Variants in AKAP6 observed in about 807,000 individuals in gnomAD.
AKAP6 encodes the protein A-kinase anchor protein 6.
AKAP6 carries 58 observed loss-of-function variants against 188.5 expected under a neutral mutation model. That is an observed-to-expected ratio of 0.31 (90% CI 0.25 to 0.38). The LOEUF (loss-of-function observed/expected upper bound fraction) is 0.38, where lower values mean the gene tolerates loss of function less well. Among genes scored for constraint, AKAP6 ranks in the 10% least tolerant of loss-of-function variants. The pLI is 1.00. For missense variants in AKAP6, 2,710 were observed against 2,740.0 expected (o/e 0.99, Z 0.24); for synonymous variants, 989 against 998.6 (o/e 0.99, Z 0.18).
intron 4 of AKAP6, among the ~76,000 whole-genome samples, chr14:32,548,093 C>CTTTTTT (rs71115082): frequency 1.9e-5 from 2 of 104,236 alleles, no homozygotes; most frequent in Non-Finnish European, 1.9e-5. Flanking sequence ...CTCCCACATG[C>CTTTTTT]TTTTTTTTTT....
intron 12 of AKAP6, among the ~76,000 whole-genome samples, chr14:32,792,261 T>C (rs2140058516): frequency 6.6e-6 from 1 of 152,342 alleles, no homozygotes; most frequent in East Asian, 1.9e-4. Context: ...GAGCATGGAA[T>C]GTTTTTCCAT....
intron 2 of AKAP6, among the ~76,000 whole-genome samples, chr14:32,492,054 T>A (rs532030751): frequency 1.7e-3 from 258 of 152,134 alleles, no homozygotes; most frequent in Middle Eastern, 0.01. Flanking sequence ...GACTCTCTGC[T>A]CATTCCCACC....
At chr14:32,456,415 A>C (rs1186054831) in intron 2 of AKAP6, among the ~76,000 whole-genome samples, 1 of 152,212 alleles carries the variant, frequency 6.6e-6, no homozygotes, top group Non-Finnish European at 1.5e-5. Context: ...CTTTTTACAA[A>C]AACCAAAATA....
At chr14:32,752,752 A>G (rs2032186315) in intron 11 of AKAP6, among the ~76,000 whole-genome samples, 2 of 152,156 alleles carry the variant, frequency 1.3e-5, no homozygotes, top group Non-Finnish European at 2.9e-5. Context: ...ATTTATTAAA[A>G]TTTTACATAT....
chr14:32,446,506 CA>C (rs1219167883), intron 2 of AKAP6, among the ~76,000 whole-genome samples: 18 of 150,926 alleles, frequency 1.2e-4, no homozygotes, highest in Admixed American at 5.3e-4. Context: ...ATCTGTATTT[CA>C]AAAAAAAATT....
chr14:32,424,874 G>A lies in AKAP6; in HGVS notation c.-34-8586G>A, dbSNP rs142916972. Among the ~76,000 whole-genome samples the A allele has an allele frequency of 8.5e-4, 129 of 152,250 alleles. 2 individuals are homozygous for A. The East Asian group carries it at 0.021, about 25-fold the overall frequency. ...CTGCATAGTACTCCATGGTATATAT[G>A]TACCTCATTTTCTTTATCCAGTCTA... On this transcript the variant is annotated intron_variant, in intron 1 of 13. Coordinates refer to ENST00000280979, the MANE Select transcript of AKAP6 (RefSeq NM_004274.5).
intron 2 of AKAP6, among the ~76,000 whole-genome samples, chr14:32,464,041 G>A (rs934440825): frequency 1.3e-5 from 2 of 151,996 alleles, no homozygotes; most frequent in South Asian, 2.1e-4. Flanking sequence ...AAGACTAAAC[G>A]AGGAAGAAGT....
intron 2 of AKAP6, among the ~76,000 whole-genome samples, chr14:32,486,302 C>CT (rs1300728261): frequency 1.3e-5 from 2 of 152,028 alleles, no homozygotes; most frequent in South Asian, 2.1e-4. Context: ...TATATGGGCT[C>CT]TTTTTTGGTT....
intron 4 of AKAP6, among the ~76,000 whole-genome samples, chr14:32,551,685 G>A (rs907461014): frequency 1.3e-5 from 2 of 150,574 alleles, no homozygotes; most frequent in Non-Finnish European, 3.0e-5. Context: ...TTGAGATGGA[G>A]TCTTGCTCTG....
chr14:32,556,210 A>C (rs1272534668), intron 4 of AKAP6, among the ~76,000 whole-genome samples: 1 of 152,110 alleles, frequency 6.6e-6, no homozygotes, highest in East Asian at 1.9e-4. Context: ...ATGAATAATG[A>C]TGTTCAGCAT....
intron 8 of AKAP6, among the ~76,000 whole-genome samples, chr14:32,686,022 G>T (rs1889910111): frequency 6.6e-6 from 1 of 152,166 alleles, no homozygotes; most frequent in African/African-American, 2.4e-5. Context: ...CAATAGCCAA[G>T]CTTTGGAAGC....
chr14:32,557,053 A>T (rs1456700061), intron 4 of AKAP6, among the ~76,000 whole-genome samples: 1 of 151,936 alleles, frequency 6.6e-6, no homozygotes, highest in South Asian at 2.1e-4. Context: ...GAAAAAAAAA[A>T]TACTTTTGAG....
chr14:32,482,723 T>C (rs757585837), intron 2 of AKAP6, among the ~76,000 whole-genome samples: 3 of 152,198 alleles, frequency 2.0e-5, no homozygotes, highest in Non-Finnish European at 2.9e-5. Context: ...TCTACATAAA[T>C]GTATTACAGA....
At position 32,824,791 on chromosome 14, in the gene AKAP6, A is replaced by G. The variant is rs1461063607; in HGVS notation, c.*18A>G. On this transcript the variant is annotated 3_prime_UTR_variant, in exon 13 of 14. Coordinates refer to ENST00000280979, the MANE Select transcript of AKAP6 (RefSeq NM_004274.5). ...ATAGGTAGAATGTACCCCCTCCCCA[A>G]GCATGAAAATCATCTCACTGAAAGG... 6.3e-7 allele frequency: 1 copy of G among 1,596,356 alleles called. No individual in the cohort carries two copies. Among genetic ancestry groups the G allele is most frequent in the Non-Finnish European group, 8.5e-7 (1 of 1,172,834 alleles).
At chr14:32,798,893 T>A (rs573191843) in intron 12 of AKAP6, among the ~76,000 whole-genome samples, 172 of 151,574 alleles carry the variant, frequency 1.1e-3, no homozygotes, top group East Asian at 5.1e-3. Context: ...AAAAAAAAAA[T>A]AATACCTGCT....
At chr14:32,397,555 GTCT>G (rs1178382493) in intron 1 of AKAP6, among the ~76,000 whole-genome samples, 2 of 151,614 alleles carry the variant, frequency 1.3e-5, no homozygotes, top group Non-Finnish European at 2.9e-5. Flanking sequence ...ACTTTTTATT[GTCT>G]TCTTAAACCG....
At chr14:32,641,857 A>G (rs565778013) in intron 7 of AKAP6, among the ~76,000 whole-genome samples, 1 of 152,310 alleles carries the variant, frequency 6.6e-6, no homozygotes, top group South Asian at 2.1e-4. Context: ...ATTGCATTTT[A>G]ATGTGGAAAG....
At chr14:32,433,227 C>T (rs1195776351) in intron 1 of AKAP6, 4 of 364,402 alleles carry the variant, frequency 1.1e-5, no homozygotes, top group South Asian at 3.6e-5. Flanking sequence ...TAGATGGGGG[C>T]GGTGGGGGGA....
In AKAP6 at chr14:32,546,956, T is replaced by C. The variant is rs146404953; in HGVS notation, c.2303T>C (p.Ile768Thr). ...TTAATTCAGAAACTGATGCAAGATA[T>C]TCAGCACCAAGACAACTATGAAGCC... is the stretch of plus-strand genomic sequence containing the variant. The part of the protein sequence containing the change: ...SALIQKLMQD[I>T]QHQDNYEAIW... The change falls in exon 4 of 14, where the codon ATT (isoleucine) becomes ACT (threonine). Residue 768 changes from isoleucine to threonine, a missense_variant. By Grantham distance (89) the Ile-to-Thr change is moderately conservative (BLOSUM62 -1). Around this residue, in one of 2 missense-constraint regions of AKAP6, gnomAD observed 2,473 missense variants for 2,426.1 expected, o/e 1.02. Coordinates refer to ENST00000280979, the MANE Select transcript of AKAP6 (RefSeq NM_004274.5). The C allele has an allele frequency of 5.0e-5, 80 of 1,608,712 alleles. No homozygotes were observed. The highest frequency in any genetic ancestry group is 6.1e-5 in the Non-Finnish European group (72 of 1,179,866).
Sources: allele counts gnomAD v4.1 joint callset (sites outside exome capture counted in the v4.1 genomes callset), GRCh38; gene constraint gnomAD v4.1.1; regional missense constraint gnomAD v4.1.1; transcripts MANE v1.5; gene names NCBI Gene and HGNC (gene_info 2026-07-23, HGNC 2026-07-21).